Variants in IL1RAPL2 observed in about 807,000 individuals in gnomAD.
The protein encoded by IL1RAPL2 is X-linked interleukin-1 receptor accessory protein-like 2.
IL1RAPL2 carries 3 observed loss-of-function variants against 44.1 expected under a neutral mutation model. The observed-to-expected ratio is 0.07, with a 90% CI of 0.03 to 0.18. IL1RAPL2 has a LOEUF of 0.18. Ranked by LOEUF, IL1RAPL2 falls within the 10% of genes least tolerant of loss-of-function variation. The pLI is 1.00. For missense variants in IL1RAPL2, 391 were observed against 496.4 expected (o/e 0.79, Z 2.02); for synonymous variants, 181 against 178.8 (o/e 1.01, Z -0.10).
chrX:105,327,011 G>C (rs2034944043), intron 5 of IL1RAPL2, among the ~76,000 whole-genome samples: 1 of 112,379 alleles, frequency 8.9e-6, no homozygotes, highest in Admixed American at 9.5e-5. Context: ...CTGACACCAA[G>C]TGAGAGAGAT....
intron 5 of IL1RAPL2, among the ~76,000 whole-genome samples, chrX:105,382,685 G>A (rs1463580517): frequency 1.9e-5 from 2 of 105,609 alleles, no homozygotes; most frequent in South Asian, 4.1e-4. Context: ...GTTTATTGCG[G>A]CACTATTCAC....
intron 6 of IL1RAPL2, among the ~76,000 whole-genome samples, chrX:105,678,318 C>T (rs1408355282): frequency 8.9e-6 from 1 of 112,058 alleles, no homozygotes; most frequent in Non-Finnish European, 1.9e-5. Flanking sequence ...GGGTATTCAT[C>T]CCCTCGAGCA....
chrX:105,369,299 G>A (rs184113746), intron 5 of IL1RAPL2, among the ~76,000 whole-genome samples: 29 of 111,139 alleles, frequency 2.6e-4, no homozygotes, highest in Middle Eastern at 4.7e-3. Context: ...GTCTCATGGA[G>A]GAGATATTTC....
At chrX:105,558,816 G>A (rs1263883983) in intron 6 of IL1RAPL2, among the ~76,000 whole-genome samples, 2 of 112,050 alleles carry the variant, frequency 1.8e-5, no homozygotes, top group African/African-American at 3.2e-5. Flanking sequence ...GTGTATTAGT[G>A]ACATCTGCTA....
At chrX:104,598,863 T>C (rs1038908116) in intron 1 of IL1RAPL2, among the ~76,000 whole-genome samples, 20 of 112,442 alleles carry the variant, frequency 1.8e-4, no homozygotes, top group Non-Finnish European at 3.2e-4. Flanking sequence ...GTACTTATCA[T>C]AGTTGGGGTC....
At chrX:105,487,534 A>G (rs2036279669) in intron 6 of IL1RAPL2, among the ~76,000 whole-genome samples, 1 of 112,356 alleles carries the variant, frequency 8.9e-6, no homozygotes, top group African/African-American at 3.2e-5. Flanking sequence ...TTTTCATCCC[A>G]GAAAGGCTGT....
At chrX:105,324,353 T>C (rs2034919241) in intron 5 of IL1RAPL2, among the ~76,000 whole-genome samples, 1 of 111,512 alleles carries the variant, frequency 9.0e-6, no homozygotes, top group African/African-American at 3.3e-5. Flanking sequence ...CCCCTGCTTT[T>C]TCTGATTGGA....
At chrX:104,649,503 C>G (rs1602661746) in intron 1 of IL1RAPL2, among the ~76,000 whole-genome samples, 1 of 111,190 alleles carries the variant, frequency 9.0e-6, no homozygotes, top group African/African-American at 3.3e-5. Context: ...ATGTGAATAC[C>G]AGACTTCATT....
In IL1RAPL2 at chrX:104,691,784, A is replaced by G. The variant is rs149669764; in HGVS notation, c.82+32789A>G. Among the ~76,000 whole-genome samples, 30 of 111,684 alleles carry G rather than the reference A, an allele frequency of 2.7e-4. No individual in the cohort carries two copies. The East Asian group carries it at 7.9e-3, about 29-fold the overall frequency. On this transcript the variant is annotated intron_variant, in intron 2 of 10. Coordinates refer to ENST00000372582, the MANE Select transcript of IL1RAPL2 (RefSeq NM_017416.2). ...GACCCTGAATTCTGTTCCAAAATAG[A>G]TAAGACTGGATCTTGGCATCTGACT... is the stretch of plus-strand genomic sequence containing the variant.
chrX:104,595,981 T>C (rs2147998451), intron 1 of IL1RAPL2, among the ~76,000 whole-genome samples: 1 of 110,916 alleles, frequency 9.0e-6, no homozygotes, highest in South Asian at 3.8e-4. Flanking sequence ...TTAACCTTTT[T>C]GGTGCCCCAG....
At position 105,447,086 on chromosome X, in the gene IL1RAPL2, T is replaced by TATATAC. The variant is rs2035961449; in HGVS notation, c.698-37222_698-37221insCATATA. 3.7e-5 allele frequency among the ~76,000 whole-genome samples: 2 copies of TATATAC among 54,742 alleles called. 1 individual carries two copies. The highest frequency in any genetic ancestry group is 5.5e-5 in the Non-Finnish European group (2 of 36,149). The allele number at this position is 54,742 out of a possible 115,157, so 47.5% of individuals were successfully genotyped here. On this transcript the variant is annotated intron_variant, in intron 5 of 10. Coordinates refer to ENST00000372582, the MANE Select transcript of IL1RAPL2 (RefSeq NM_017416.2). ...ATATCTGGTTAAAATTATATATATA[T>TATATAC]ATATATATATATATATATATAAAAA... is the stretch of plus-strand genomic sequence containing the variant.
At chrX:105,153,054 T>G (rs1218489632) in intron 2 of IL1RAPL2, among the ~76,000 whole-genome samples, 2 of 112,253 alleles carry the variant, frequency 1.8e-5, no homozygotes, top group Non-Finnish European at 3.8e-5. Context: ...CTGCAAGATT[T>G]TTTTTTTCTT....
intron 6 of IL1RAPL2, among the ~76,000 whole-genome samples, chrX:105,587,037 A>T: frequency 9.0e-6 from 1 of 111,476 alleles, no homozygotes; most frequent in Non-Finnish European, 1.9e-5. Flanking sequence ...ATTTTCCCAG[A>T]GATCATTACC....
intron 2 of IL1RAPL2, among the ~76,000 whole-genome samples, chrX:105,021,323 A>C (rs2031278648): frequency 9.0e-6 from 1 of 111,484 alleles, no homozygotes; most frequent in Admixed American, 9.6e-5. Context: ...TACACTGAGG[A>C]ATTGTCCTAC....
At chrX:105,365,256 G>C (rs888988770) in intron 5 of IL1RAPL2, among the ~76,000 whole-genome samples, 1 of 111,576 alleles carries the variant, frequency 9.0e-6, no homozygotes, top group African/African-American at 3.3e-5. Context: ...GATCCTGCTT[G>C]ATCATGGTGA....
chrX:105,315,748 A>G (rs1030233895), intron 5 of IL1RAPL2, among the ~76,000 whole-genome samples: 2 of 102,374 alleles, frequency 2.0e-5, no homozygotes, highest in African/African-American at 6.9e-5. Context: ...AGCATGAGAG[A>G]AAGATGTAGG....
At chrX:105,694,912 G>C (rs2038064581) in intron 6 of IL1RAPL2, among the ~76,000 whole-genome samples, 1 of 111,253 alleles carries the variant, frequency 9.0e-6, no homozygotes, top group African/African-American at 3.3e-5. Flanking sequence ...ATTTGTAAAG[G>C]AAAAATGACC....
rs956479300 is a variant in IL1RAPL2, at chrX:105,192,407, C to G, written c.83-3068C>G. ...TTGACTGATCACCTGACTTTTCAGG[C>G]CTCTTACCTCAGCCTATACTTCTTA... On this transcript the variant is annotated intron_variant, in intron 2 of 10. Transcript: ENST00000372582. Among the ~76,000 whole-genome samples the G allele has an allele frequency of 9.8e-5, 11 of 111,777 alleles. No homozygotes were observed. The East Asian group carries it at 3.1e-3, about 32-fold the overall frequency.
chrX:104,909,540 G>C (rs780670191), intron 2 of IL1RAPL2, among the ~76,000 whole-genome samples: 2 of 111,737 alleles, frequency 1.8e-5, no homozygotes, highest in African/African-American at 6.5e-5. Flanking sequence ...TGTCCTTTCT[G>C]TTTGTTAGTT....
Sources: gnomAD v4.1 joint callset for allele counts (sites outside exome capture counted in the v4.1 genomes callset) on GRCh38, gnomAD v4.1.1 for gene constraint, MANE v1.5 for transcripts, NCBI Gene and HGNC (gene_info 2026-07-23, HGNC 2026-07-21) for gene names.